Variants in SLC25A20 observed in about 807,000 individuals in gnomAD.
The protein encoded by SLC25A20 is solute carrier family 25 member 20, also known as mitochondrial carnitine/acylcarnitine carrier protein.
A neutral mutation model predicts 39.7 loss-of-function variants in SLC25A20; 29 were observed. That is an observed-to-expected ratio of 0.73 (90% CI 0.54 to 1.00). The LOEUF (loss-of-function observed/expected upper bound fraction) is 1.00. SLC25A20 is among the 50% of genes least tolerant of loss of function. The pLI is 0.00. For synonymous variants in SLC25A20, 103 were observed against 142.2 expected (o/e 0.72, Z 1.96); for missense variants, 333 against 379.9 (o/e 0.88, Z 1.03).
At chr3:48,891,769 C>G (rs1000015578) in intron 2 of SLC25A20, among the ~76,000 whole-genome samples, 1 of 152,130 alleles carries the variant, frequency 6.6e-6, no homozygotes, top group Admixed American at 6.6e-5. Flanking sequence ...ATTTTATTAG[C>G]CTTAGTCATC....
intron 5 of SLC25A20, among the ~76,000 whole-genome samples, chr3:48,860,835 T>C (rs1419147129): frequency 8.3e-6 from 1 of 119,804 alleles, no homozygotes; most frequent in African/African-American, 2.7e-5. Flanking sequence ...ATTACTTTAC[T>C]TTTTTTTTTT....
intron 4 of SLC25A20, among the ~76,000 whole-genome samples, chr3:48,868,677 G>A (rs2083689502): frequency 6.6e-6 from 1 of 152,098 alleles, no homozygotes. Context: ...ACAAAAGCAT[G>A]CATTCTCTAC....
intron 4 of SLC25A20, among the ~76,000 whole-genome samples, chr3:48,878,874 T>G (rs528816572): frequency 3.1e-4 from 47 of 151,384 alleles, no homozygotes; most frequent in African/African-American, 9.4e-4. Flanking sequence ...TTTTGTTTTG[T>G]TTTGGTTTTG....
chr3:48,888,722 C>G (rs1022474949), intron 2 of SLC25A20, among the ~76,000 whole-genome samples: 13 of 152,218 alleles, frequency 8.5e-5, no homozygotes, highest in Middle Eastern at 3.4e-3. Flanking sequence ...ATCTGGATGA[C>G]TACTACTTAG....
chr3:48,870,150 A>C (rs2083702965), intron 4 of SLC25A20, among the ~76,000 whole-genome samples: 1 of 152,192 alleles, frequency 6.6e-6, no homozygotes, highest in South Asian at 2.1e-4. Flanking sequence ...CTATAATCCC[A>C]GCACTTTGGG....
intron 2 of SLC25A20, among the ~76,000 whole-genome samples, chr3:48,887,287 C>G (rs945171989): frequency 6.6e-6 from 1 of 152,160 alleles, no homozygotes; most frequent in African/African-American, 2.4e-5. Flanking sequence ...CCTACAGACC[C>G]CTGCCTGGCA....
At chr3:48,870,111 G>A (rs1385692212) in intron 4 of SLC25A20, among the ~76,000 whole-genome samples, 4 of 151,966 alleles carry the variant, frequency 2.6e-5, no homozygotes, top group African/African-American at 9.7e-5. Context: ...TTAAAAAAAA[G>A]GAAATAGGCT....
chr3:48,857,877 T>C, intron 8 of SLC25A20, 105 bp from the exon 9 acceptor site: 1 of 940,774 alleles, frequency 1.1e-6, no homozygotes, highest in South Asian at 1.4e-5. Context: ...AGCCCCTCCC[T>C]AACCCCACAC....
chr3:48,895,819 G>A (rs1315752503), intron 1 of SLC25A20: 1 of 456,294 alleles, frequency 2.2e-6, no homozygotes. Context: ...ACCTCCCCTA[G>A]TTAGTAGAGA....
At chr3:48,878,252 T>C (rs2083775124) in intron 4 of SLC25A20, among the ~76,000 whole-genome samples, 1 of 119,730 alleles carries the variant, frequency 8.4e-6, no homozygotes. Context: ...AGAGCGAGAC[T>C]CCATCTCCAC....
intron 2 of SLC25A20, among the ~76,000 whole-genome samples, chr3:48,887,587 A>G (rs1315256979): frequency 6.6e-6 from 1 of 152,120 alleles, no homozygotes; most frequent in Non-Finnish European, 1.5e-5. Flanking sequence ...GGCACTAGAG[A>G]TGTAAGGAGG....
intron 4 of SLC25A20, among the ~76,000 whole-genome samples, 174 bp from the exon 5 acceptor site, chr3:48,862,833 G>T (rs927826093): frequency 6.6e-6 from 1 of 152,268 alleles, no homozygotes; most frequent in Non-Finnish European, 1.5e-5. Context: ...ATGAAATAAG[G>T]CTAGGTGAAA....
chr3:48,861,324 T>G (rs1329556292), intron 5 of SLC25A20, among the ~76,000 whole-genome samples: 2 of 152,134 alleles, frequency 1.3e-5, no homozygotes, highest in African/African-American at 4.8e-5. Flanking sequence ...TCTTGAGAAG[T>G]TCCTTAGCAG....
At chr3:48,894,812 A>ATTTTG (rs1279538952) in intron 1 of SLC25A20, among the ~76,000 whole-genome samples, 57 of 151,976 alleles carry the variant, frequency 3.8e-4, no homozygotes, top group East Asian at 2.1e-3. Flanking sequence ...TTTTTCCTGA[A>ATTTTG]TTTTGTTTTG....
At chr3:48,869,528 C>G (rs964560989) in intron 4 of SLC25A20, among the ~76,000 whole-genome samples, 8 of 152,076 alleles carry the variant, frequency 5.3e-5, no homozygotes. Context: ...GGCCGAAAAA[C>G]CTTTTTTTTA....
intron 3 of SLC25A20, among the ~76,000 whole-genome samples, chr3:48,882,531 C>A (rs1354364333): frequency 6.6e-6 from 1 of 152,116 alleles, no homozygotes; most frequent in Non-Finnish European, 1.5e-5. Context: ...TATTACAAAT[C>A]TCTCCAGTAA....
chr3:48,884,600 T>G (rs925737873), intron 2 of SLC25A20, among the ~76,000 whole-genome samples: 1 of 152,298 alleles, frequency 6.6e-6, no homozygotes, highest in Admixed American at 6.5e-5. Flanking sequence ...TCCTCCTGCC[T>G]TGGCCTATTA....
intron 5 of SLC25A20, among the ~76,000 whole-genome samples, 180 bp downstream of exon 5, chr3:48,862,362 G>C (rs1213170481): frequency 6.6e-6 from 1 of 152,212 alleles, no homozygotes; most frequent in African/African-American, 2.4e-5. Flanking sequence ...AAAGATGGAA[G>C]GTCCCCTCAT....
At chr3:48,895,760 C>T (rs930247805) in intron 1 of SLC25A20, 2 of 456,582 alleles carry the variant, frequency 4.4e-6, no homozygotes, top group Admixed American at 2.4e-5. Flanking sequence ...CATACCTTTA[C>T]ATCCAAAATC....
Sources: gnomAD v4.1 joint callset for allele counts (sites outside exome capture counted in the v4.1 genomes callset) on GRCh38, gnomAD v4.1.1 for gene constraint, MANE v1.5 for transcripts, NCBI Gene and HGNC (gene_info 2026-07-23, HGNC 2026-07-21) for gene names.